Variants in KLK14 observed in about 807,000 individuals in gnomAD.
KLK14 encodes the protein kallikrein-14.
A neutral mutation model predicts 24.6 loss-of-function variants in KLK14; 21 were observed. The ratio of observed to expected loss-of-function variants is 0.85; its 90% CI spans 0.61 to 1.23. The LOEUF (loss-of-function observed/expected upper bound fraction) is 1.23. KLK14 is among the 50% of genes most tolerant of loss of function. The probability of loss-of-function intolerance (pLI) is 0.00; values close to 1 mark genes in which losing one functional copy is unlikely to be tolerated. For missense variants in KLK14, 320 were observed against 338.9 expected, an observed-to-expected ratio of 0.94 and a Z score of 0.44; for synonymous variants, 133 against 139.7, an observed-to-expected ratio of 0.95 and a Z score of 0.34.
In KLK14 at chr19:51,078,897, A is replaced by AT. The variant is rs1260036197; in HGVS notation, c.520_521insA (p.Val174AspfsTer8). ...GGTTCTAGGATAGGCCTTCTGGCAC[A>AT]CCTCATCCGGGGAGATGTTGATGTT... On this transcript the variant is annotated frameshift_variant, in exon 5 of 6. Coordinates refer to ENST00000650543, the MANE Select transcript of KLK14 (RefSeq NM_001369775.2). LOFTEE classifies it high-confidence loss of function. This position sits in a 1 kb window ranked among gnomAD's most constrained non-coding sequence, Gnocchi z 5.0. The AT allele has an allele frequency of 1.2e-6, 2 of 1,613,994 alleles. No individual in the cohort carries two copies.
rs111394049 is a variant in KLK14 at position 51,079,502 on chromosome 19, C to A, written c.413G>T (p.Ser138Ile). The change falls in exon 4 of 6, where the codon AGC (serine) becomes ATC (isoleucine). Residue 138 changes from serine to isoleucine, a missense_variant. Coordinates refer to ENST00000650543, the MANE Select transcript of KLK14 (RefSeq NM_001369775.2). ...TGACACTCGGCAGGAGGTCCCGGGG[C>A]TGGCACAGGCCTGGGTGACCTCAAT... ...RPIEVTQACA[S>I]PGTSCRVSGW... The A allele has an allele frequency of 4.3e-6, 7 of 1,613,748 alleles. No individual in the cohort carries two copies. In the African/African-American group the frequency reaches 6.7e-5, roughly 15 times the overall value.
rs1459018473 is a variant in KLK14, at chr19:51,078,303, G to A, written c.604-144C>T. On this transcript the variant is annotated intron_variant, in intron 5 of 5. Coordinates refer to ENST00000650543, the MANE Select transcript of KLK14 (RefSeq NM_001369775.2). The surrounding 1 kb of genome is among the most constrained non-coding windows in gnomAD (Gnocchi z 5.0). ...GACACAGTCCTGCCCCAGCTCTGAGGTCTCAGCCCCGGAGGTCGGGGCACT... is the reference window on the plus strand; with the variant it reads ...GACACAGTCCTGCCCCAGCTCTGAGATCTCAGCCCCGGAGGTCGGGGCACT... The A allele has an allele frequency of 1.5e-5, 14 of 905,098 alleles. No homozygotes were observed. Among genetic ancestry groups the A allele is most frequent in the Middle Eastern group, 3.4e-4 (1 of 2,910 alleles). The allele number at this position is 905,098 out of a possible 1,614,324, so 56.1% of individuals were successfully genotyped here.
chr19:51,077,987 C>G lies in KLK14; in HGVS notation c.*20G>C, dbSNP rs1247313826. The G allele has an allele frequency of 1.9e-6, 3 of 1,612,286 alleles. No homozygotes were observed. Among genetic ancestry groups the G allele is most frequent in the Non-Finnish European group, 2.5e-6 (3 of 1,179,080 alleles). On this transcript the variant is annotated 3_prime_UTR_variant, in exon 6 of 6. Transcript: ENST00000650543. Reference sequence around the variant, plus strand: ...GGAGGGCCTGGGCAGCTGACGAGGTCCATCCCACCGTGAAGACCATCATTT... The same window carrying G: ...GGAGGGCCTGGGCAGCTGACGAGGTGCATCCCACCGTGAAGACCATCATTT...
At chr19:51,079,271 C>T (rs2091823599) in intron 4 of KLK14, among the ~76,000 whole-genome samples, 178 bp downstream of exon 4, 1 of 150,296 alleles carries the variant, frequency 6.7e-6, no homozygotes, top group African/African-American at 2.5e-5. Flanking sequence ...CCAGGCCCAG[C>T]TCCTCCTCCT....
In KLK14 at chr19:51,079,497, C is replaced by A; in HGVS notation, c.418G>T (p.Gly140Trp). Reference protein sequence around the residue: ...IEVTQACASPGTSCRVSGWGT... With the variant: ...IEVTQACASPWTSCRVSGWGT... ...CAGCCTGACACTCGGCAGGAGGTCCCGGGGCTGGCACAGGCCTGGGTGACC... is the reference window on the plus strand; with the variant it reads ...CAGCCTGACACTCGGCAGGAGGTCCAGGGGCTGGCACAGGCCTGGGTGACC... Residue 140 changes from glycine to tryptophan, a missense_variant, in exon 4 of 6, where the codon GGG (glycine) becomes TGG (tryptophan). Transcript: ENST00000650543. 6.2e-7 allele frequency: 1 copy of A among 1,613,626 alleles called. No individual in the cohort carries two copies. The highest frequency in any genetic ancestry group is 1.1e-5 in the South Asian group (1 of 91,072).
At chr19:51,079,379 CA>C in intron 4 of KLK14, 69 bp downstream of exon 4, 3 of 1,459,442 alleles carry the variant, frequency 2.1e-6, no homozygotes, top group Middle Eastern at 2.4e-4. Context: ...CCAGTCCCCC[CA>C]GCTCCACCTC....
chr19:51,079,068 G>A (rs2091821324), intron 4 of KLK14, 117 bp from the exon 5 acceptor site: 4 of 1,257,968 alleles, frequency 3.2e-6, no homozygotes, highest in Middle Eastern at 2.4e-4. Context: ...TCCTCCCTCA[G>A]ACCCAGGAGT....
chr19:51,083,386 GA>G (rs1555793331), upstream of KLK14, among the ~76,000 whole-genome samples: 4 of 71,368 alleles, frequency 5.6e-5, no homozygotes, highest in Non-Finnish European at 1.0e-4. Context: ...TGACGGGGGG[GA>G]GAGAGAGAGA....
In KLK14 at chr19:51,078,739, T is replaced by A; in HGVS notation, c.603+76A>T. Reference sequence around the variant, plus strand: ...CTCTCTTCTGAAGACCTCTGCAGACTTCCATGCTCCTGACATCATTTGCTT... The same window carrying A: ...CTCTCTTCTGAAGACCTCTGCAGACATCCATGCTCCTGACATCATTTGCTT... On this transcript the variant is annotated intron_variant, in intron 5 of 5. Transcript: ENST00000650543. This position sits in a 1 kb window ranked among gnomAD's most constrained non-coding sequence, Gnocchi z 5.0. The A allele has an allele frequency of 6.4e-7, 1 of 1,565,480 alleles. No individual in the cohort carries two copies. Among genetic ancestry groups the A allele is most frequent in the African/African-American group, 1.4e-5 (1 of 73,852 alleles).
At position 51,078,672 on chromosome 19, in the gene KLK14, A is replaced by C; in HGVS notation, c.603+143T>G. On this transcript the variant is annotated intron_variant, in intron 5 of 5. Transcript: ENST00000650543. This position sits in a 1 kb window ranked among gnomAD's most constrained non-coding sequence, Gnocchi z 5.0. Reference sequence around the variant, plus strand: ...CCCAGGGGGCACAGGGCTAGGAAGCAGGGTGGCCTGGCTATCGGAATCTCT... The same window carrying C: ...CCCAGGGGGCACAGGGCTAGGAAGCCGGGTGGCCTGGCTATCGGAATCTCT... 1 of 1,078,474 alleles carries C rather than the reference A, an allele frequency of 9.3e-7. No homozygotes were observed. The highest frequency in any genetic ancestry group is 2.4e-5 in the East Asian group (1 of 41,204). 66.8% of individuals were successfully genotyped at this position (1,078,474 alleles called of 1,614,324 possible).
rs1007027834 is a variant in KLK14, at chr19:51,082,720, A to G, written c.-23+2T>C. 4.3e-6 allele frequency: 7 copies of G among 1,613,900 alleles called. No homozygotes were observed. Among genetic ancestry groups the G allele is most frequent in the Non-Finnish European group, 5.9e-6 (7 of 1,180,002 alleles). ...GAGGCAGAGACAGCAAGGGGCACTT[A>G]CCCAGAGCCCAAGACCCTCAGGGAC... On this transcript the variant is annotated splice_donor_variant, in intron 1 of 5. Transcript: ENST00000650543. LOFTEE classifies it low-confidence loss of function (5UTR_SPLICE).
chr19:51,078,193 G>A lies in KLK14; in HGVS notation c.604-34C>T, dbSNP rs967704370. 2 of 1,607,204 alleles carry A rather than the reference G, an allele frequency of 1.2e-6. No homozygotes were observed. Among genetic ancestry groups the A allele is most frequent in the African/African-American group, 1.3e-5 (1 of 74,902 alleles). On this transcript the variant is annotated intron_variant, in intron 5 of 5. Transcript: ENST00000650543. This position sits in a 1 kb window ranked among gnomAD's most constrained non-coding sequence, Gnocchi z 5.0. ...GAGGAACAGAAATGGAGACACTGATGGACAGGTAGCCAGAGCCACCATGGC... is the reference window on the plus strand; with the variant it reads ...GAGGAACAGAAATGGAGACACTGATAGACAGGTAGCCAGAGCCACCATGGC...
chr19:51,081,515 G>A lies in KLK14; in HGVS notation c.212+17C>T. ...TGGAATTCACTAGGTACAGGGACAG[G>A]GGAGGGGGTCACTTACGGGCGGCCG... On this transcript the variant is annotated intron_variant, in intron 3 of 5. Transcript: ENST00000650543. The A allele has an allele frequency of 1.3e-6, 2 of 1,494,958 alleles. No homozygotes were observed. Among genetic ancestry groups the A allele is most frequent in the Non-Finnish European group, 1.8e-6 (2 of 1,116,654 alleles). 92.6% of individuals were successfully genotyped at this position (1,494,958 alleles called of 1,614,324 possible).
At chr19:51,082,986 TGCC>T, upstream of KLK14, 2 of 579,968 alleles carry the variant, frequency 3.4e-6, no homozygotes, top group Non-Finnish European at 3.1e-6. Flanking sequence ...TTTTTTTTAT[TGCC>T]TAGTTCCCAT....
Position 51,078,739 on chromosome 19 carries a change from T to G in KLK14, c.603+76A>C. The G allele has an allele frequency of 1.3e-6, 2 of 1,565,480 alleles. No homozygotes were observed. Among genetic ancestry groups the G allele is most frequent in the South Asian group, 1.2e-5 (1 of 83,398 alleles). ...CTCTCTTCTGAAGACCTCTGCAGACTTCCATGCTCCTGACATCATTTGCTT... is the reference window on the plus strand; with the variant it reads ...CTCTCTTCTGAAGACCTCTGCAGACGTCCATGCTCCTGACATCATTTGCTT... On this transcript the variant is annotated intron_variant, in intron 5 of 5. Coordinates refer to ENST00000650543, the MANE Select transcript of KLK14 (RefSeq NM_001369775.2). The surrounding 1 kb of genome is among the most constrained non-coding windows in gnomAD (Gnocchi z 5.0).
intron 3 of KLK14, among the ~76,000 whole-genome samples, 159 bp downstream of exon 3, chr19:51,081,373 T>A (rs2091837990): frequency 7.9e-6 from 1 of 127,106 alleles, no homozygotes; most frequent in African/African-American, 3.6e-5. Context: ...GGAGCCCACA[T>A]CCCGAGCTGT....
intron 3 of KLK14, 44 bp from the exon 4 acceptor site, chr19:51,079,746 A>G (rs6509518): frequency 0.39 from 599,014 of 1,520,018 alleles, 125,218 homozygotes; most frequent in African/African-American, 0.69. Flanking sequence ...GGTCTGAGCC[A>G]GAGACTCCTC....
chr19:51,078,022 C>G lies in KLK14; in HGVS notation c.741G>C (p.Thr247=). The G allele has an allele frequency of 1.2e-6, 2 of 1,613,888 alleles. No homozygotes were observed. Among genetic ancestry groups the G allele is most frequent in the Non-Finnish European group, 1.7e-6 (2 of 1,179,830 alleles). ...LCKYRSWIEE[T]MRDK ...GTGAAGACCATCATTTGTCCCGCAT[C>G]GTTTCCTCAATCCAGCTTCTGTACT... Residue 247 remains threonine, a synonymous_variant, in exon 6 of 6, where the codon ACG becomes ACC. Transcript: ENST00000650543. This position sits in a 1 kb window ranked among gnomAD's most constrained non-coding sequence, Gnocchi z 5.0.
At chr19:51,082,955 C>T (rs1000333645), upstream of KLK14, 5 of 616,070 alleles carry the variant, frequency 8.1e-6, no homozygotes, top group African/African-American at 1.9e-5. Flanking sequence ...CACCTCCCGC[C>T]GCCCTGCTTC....
Sources: allele counts gnomAD v4.1 joint callset (sites outside exome capture counted in the v4.1 genomes callset), GRCh38; gene constraint gnomAD v4.1.1; non-coding constraint Gnocchi (gnomAD v3.1); transcripts MANE v1.5; gene names NCBI Gene and HGNC (gene_info 2026-07-23, HGNC 2026-07-21).